ARHGEF10: variants seen among roughly 807,000 people sequenced by gnomAD.
ARHGEF10 encodes the protein Rho guanine nucleotide exchange factor 10, also known as Rho guanine nucleotide exchange factor (GEF) 10.
Under a neutral mutation model 147.4 loss-of-function variants are expected in ARHGEF10, and 140 were observed. The observed-to-expected ratio is 0.95, with a 90% CI of 0.83 to 1.09. The LOEUF is 1.09. Among genes scored for constraint, ARHGEF10 ranks in the 50% least tolerant of loss-of-function variants. The pLI is 0.00. For synonymous variants in ARHGEF10, 902 were observed against 695.8 expected (o/e 1.30, Z -4.67); for missense variants, 2,222 against 1,752.7 (o/e 1.27, Z -4.78).
intron 26 of ARHGEF10, among the ~76,000 whole-genome samples, chr8:1,936,935 G>C (rs1026024471): frequency 3.9e-5 from 6 of 152,120 alleles, no homozygotes; most frequent in Admixed American, 2.0e-4. Context: ...CCCTGGAGAC[G>C]TGGGTTTGGT....
chr8:1,889,942 A>C (rs766259784), intron 11 of ARHGEF10, among the ~76,000 whole-genome samples: 1,391 of 126,316 alleles, frequency 0.011, 5 homozygotes, highest in East Asian at 0.016. Context: ...GAGGGTTGTG[A>C]GGAGACACTG....
chr8:1,909,500 C>A (rs199730810), intron 18 of ARHGEF10, 30 bp downstream of exon 18: 3 of 1,612,488 alleles, frequency 1.9e-6, no homozygotes, highest in East Asian at 2.2e-5. Flanking sequence ...ACGTTCGTGC[C>A]GTGGGGCCAG....
intron 16 of ARHGEF10, 145 bp from the exon 17 acceptor site, chr8:1,905,426 G>T: frequency 1.0e-6 from 1 of 985,696 alleles, no homozygotes; most frequent in Non-Finnish European, 1.6e-6. Flanking sequence ...GATGTTCAGC[G>T]CAGTCACGGG....
At chr8:1,878,797 G>A (rs1364393155) in intron 8 of ARHGEF10, among the ~76,000 whole-genome samples, 1 of 152,212 alleles carries the variant, frequency 6.6e-6, no homozygotes, top group Non-Finnish European at 1.5e-5. Flanking sequence ...TGTCTGGGCA[G>A]TGCCAGTGGT....
chr8:1,863,455 T>G (rs895741576), intron 4 of ARHGEF10, among the ~76,000 whole-genome samples: 1 of 152,224 alleles, frequency 6.6e-6, no homozygotes, highest in Non-Finnish European at 1.5e-5. Context: ...ATTCCAAAGA[T>G]AAATTCCCTT....
intron 9 of ARHGEF10, among the ~76,000 whole-genome samples, chr8:1,881,704 C>A (rs902870141): frequency 6.6e-6 from 1 of 152,162 alleles, no homozygotes; most frequent in African/African-American, 2.4e-5. Flanking sequence ...AAGTCCAGGG[C>A]AGGCAGACAC....
At position 1,928,573 on chromosome 8, in the gene ARHGEF10, G is replaced by A; in HGVS notation, c.2844G>A (p.Gly948=). Residue 948 remains glycine, a synonymous_variant, in exon 24 of 29, where the codon GGG becomes GGA. Coordinates refer to ENST00000349830, the MANE Select transcript of ARHGEF10 (RefSeq NM_014629.4). ...TCGAGGAGAAGCGCAGAGAGCCTGGGGCACCCCCGGACCCCGAGACCCCGG... is the reference window on the plus strand; with the variant it reads ...TCGAGGAGAAGCGCAGAGAGCCTGGAGCACCCCCGGACCCCGAGACCCCGG... ...VPVEEKRREP[G]APPDPETPAV... 6.2e-7 allele frequency: 1 copy of A among 1,614,224 alleles called. No individual in the cohort carries two copies. The highest frequency in any genetic ancestry group is 8.5e-7 in the Non-Finnish European group (1 of 1,180,036).
chr8:1,919,461 GGTGATGGAGCTGTTCTGTCCA>G lies in ARHGEF10; in HGVS notation c.2144-3487_2144-3467del, dbSNP rs1381111702. 8.2e-5 allele frequency among the ~76,000 whole-genome samples: 12 copies of G among 145,820 alleles called. 1 individual carries two copies. The highest frequency in any genetic ancestry group is 3.0e-4 in the African/African-American group (11 of 36,102). Reference sequence around the variant, plus strand: ...CCATGGGTGATGGAGCTGTTCCATGGGTGATGGAGCTGTTCTGTCCAGTGATGGAGCTGTTCCGTGGGTGAT... The same window carrying G: ...CCATGGGTGATGGAGCTGTTCCATGGGTGATGGAGCTGTTCCGTGGGTGAT... On this transcript the variant is annotated intron_variant, in intron 18 of 28. Transcript: ENST00000349830.
chr8:1,939,546 C>T (rs995201823), intron 26 of ARHGEF10, among the ~76,000 whole-genome samples: 4 of 152,262 alleles, frequency 2.6e-5, no homozygotes, highest in East Asian at 3.9e-4. Flanking sequence ...AGTTTCACGA[C>T]GGCAGCAGCA....
chr8:1,851,445 C>T (rs144806006), intron 2 of ARHGEF10, among the ~76,000 whole-genome samples: 18 of 151,846 alleles, frequency 1.2e-4, no homozygotes, highest in African/African-American at 3.9e-4. Flanking sequence ...TAGTTAGTGA[C>T]GTACCTCAGT....
chr8:1,881,568 C>T (rs960628978), intron 9 of ARHGEF10, among the ~76,000 whole-genome samples: 11 of 152,094 alleles, frequency 7.2e-5, no homozygotes, highest in South Asian at 2.1e-4. Context: ...GGGGAGCCCC[C>T]GGGGGATGGG....
rs1490405557 is a variant in ARHGEF10 at position 1,903,265 on chromosome 8, C to T, written c.1651-16C>T. 3.7e-6 allele frequency: 6 copies of T among 1,614,014 alleles called. No individual in the cohort carries two copies. In the South Asian group the frequency reaches 5.5e-5, roughly 15 times the overall value. On this transcript the variant is annotated splice_polypyrimidine_tract_variant and intron_variant, in intron 15 of 28. Coordinates refer to ENST00000349830, the MANE Select transcript of ARHGEF10 (RefSeq NM_014629.4). ...GTCCACGTGGTAACTGCCCACCTCT[C>T]CCCTGTTGCTTGTAGGACATGCTGA...
chr8:1,956,602 G>A (rs1815584450), intron 28 of ARHGEF10, 147 bp from the exon 29 acceptor site: 3 of 760,652 alleles, frequency 3.9e-6, no homozygotes, highest in Non-Finnish European at 6.8e-6. Flanking sequence ...TTTCATCGTA[G>A]CTTATTATTC....
At chr8:1,942,628 A>C (rs934671995) in intron 26 of ARHGEF10, among the ~76,000 whole-genome samples, 1 of 151,662 alleles carries the variant, frequency 6.6e-6, no homozygotes, top group East Asian at 1.9e-4. Context: ...CCTGATACTC[A>C]TGCAGACACG....
chr8:1,866,722 T>C, intron 6 of ARHGEF10, 120 bp downstream of exon 6: 1 of 1,012,852 alleles, frequency 9.9e-7, no homozygotes, highest in Admixed American at 1.8e-5. Flanking sequence ...AAGATGTTTA[T>C]TTACTGAAAA....
At chr8:1,833,172 G>T (rs1456795598) in intron 1 of ARHGEF10, among the ~76,000 whole-genome samples, 3 of 103,750 alleles carry the variant, frequency 2.9e-5, no homozygotes, top group African/African-American at 1.2e-4. Flanking sequence ...AGAGACAGAA[G>T]CAGAGGGAGG....
chr8:1,825,003 A>C (rs920135837), intron 1 of ARHGEF10, among the ~76,000 whole-genome samples: 1 of 7,588 alleles, frequency 1.3e-4, no homozygotes, highest in African/African-American at 5.7e-4. Context: ...CCCACACCCC[A>C]CCTGTTTACT....
chr8:1,902,636 G>A (rs923211947), intron 15 of ARHGEF10, among the ~76,000 whole-genome samples: 3 of 151,686 alleles, frequency 2.0e-5, no homozygotes, highest in African/African-American at 7.3e-5. Flanking sequence ...GAGTGCATTT[G>A]TGACAACCAG....
chr8:1,934,546 A>G (rs1813417518), intron 26 of ARHGEF10, among the ~76,000 whole-genome samples: 1 of 152,198 alleles, frequency 6.6e-6, no homozygotes, highest in South Asian at 2.1e-4. Flanking sequence ...TCCAGGACTT[A>G]GGGAAAATTT....
Sources: gnomAD v4.1 joint callset for allele counts (sites outside exome capture counted in the v4.1 genomes callset) on GRCh38, gnomAD v4.1.1 for gene constraint, MANE v1.5 for transcripts, NCBI Gene and HGNC (gene_info 2026-07-23, HGNC 2026-07-21) for gene names.